The following ERBB4 variants were observed in gnomAD, a reference collection of about 807,000 sequenced individuals.
ERBB4 encodes the protein receptor tyrosine-protein kinase erbB-4.
Under a neutral mutation model 158.0 loss-of-function variants are expected in ERBB4, and 42 were observed. That is an observed-to-expected ratio of 0.27 (90% CI 0.21 to 0.34). The LOEUF (loss-of-function observed/expected upper bound fraction) is 0.34, where lower values mean the gene tolerates loss of function less well. Ranked by LOEUF, ERBB4 falls within the 10% of genes least tolerant of loss-of-function variation. The probability of loss-of-function intolerance (pLI) is 1.00; values close to 1 mark genes in which losing one functional copy is unlikely to be tolerated. For missense variants in ERBB4, 1,333 were observed against 1,624.1 expected, an observed-to-expected ratio of 0.82 and a Z score of 3.08; for synonymous variants, 583 against 558.7, an observed-to-expected ratio of 1.04 and a Z score of -0.61.
At chr2:212,022,695 A>ATGTTTTT (rs2076683109) in intron 2 of ERBB4, among the ~76,000 whole-genome samples, 2 of 152,152 alleles carry the variant, frequency 1.3e-5, no homozygotes, top group Admixed American at 6.5e-5. Flanking sequence ...AAAAAATAAA[A>ATGTTTTT]AACATAAAAA....
At chr2:212,357,771 C>T (rs765617174) in intron 1 of ERBB4, among the ~76,000 whole-genome samples, 3 of 151,786 alleles carry the variant, frequency 2.0e-5, no homozygotes, top group Admixed American at 6.6e-5. Context: ...TTCAGCCCCA[C>T]GGTCACTTGG....
At chr2:211,810,809 A>C (rs977571524) in intron 3 of ERBB4, among the ~76,000 whole-genome samples, 1 of 151,648 alleles carries the variant, frequency 6.6e-6, no homozygotes, top group Admixed American at 6.6e-5. Flanking sequence ...AGTAGCTGGG[A>C]CTACAGGCGC....
chr2:211,769,625 A>G (rs1238408404), intron 4 of ERBB4, among the ~76,000 whole-genome samples: 1 of 152,146 alleles, frequency 6.6e-6, no homozygotes, highest in Non-Finnish European at 1.5e-5. Flanking sequence ...AAAACCTCAA[A>G]AGTAGGGAAG....
At chr2:211,967,596 C>A (rs1263018471) in intron 2 of ERBB4, among the ~76,000 whole-genome samples, 1 of 151,960 alleles carries the variant, frequency 6.6e-6, no homozygotes, top group East Asian at 1.9e-4. Flanking sequence ...CAGTAAACAA[C>A]ACCCTGTGAA....
chr2:211,453,375 C>T (rs2064298276), intron 20 of ERBB4, among the ~76,000 whole-genome samples: 1 of 152,134 alleles, frequency 6.6e-6, no homozygotes. Flanking sequence ...GCATTATTTA[C>T]ACAAAAATTT....
intron 1 of ERBB4, among the ~76,000 whole-genome samples, chr2:212,388,971 T>A (rs1227052585): frequency 6.6e-6 from 1 of 152,160 alleles, no homozygotes; most frequent in Non-Finnish European, 1.5e-5. Context: ...AACTTATATA[T>A]GCTGCAATTT....
intron 1 of ERBB4, among the ~76,000 whole-genome samples, chr2:212,205,615 C>T (rs2105913245): frequency 6.6e-6 from 1 of 152,154 alleles, no homozygotes; most frequent in East Asian, 1.9e-4. Context: ...AAAATTGATG[C>T]CTACAAACTG....
intron 5 of ERBB4, among the ~76,000 whole-genome samples, chr2:211,742,795 T>C (rs1370988326): frequency 6.6e-6 from 1 of 152,016 alleles, no homozygotes; most frequent in African/African-American, 2.4e-5. Flanking sequence ...ATTTTGCCAG[T>C]GTAGTACTAC....
chr2:211,720,617 G>C (rs2074062206), intron 7 of ERBB4, among the ~76,000 whole-genome samples: 1 of 152,148 alleles, frequency 6.6e-6, no homozygotes, highest in Non-Finnish European at 1.5e-5. Context: ...CCATTATGTG[G>C]CTTATGTTCA....
intron 2 of ERBB4, among the ~76,000 whole-genome samples, chr2:212,003,481 G>A (rs377203132): frequency 6.6e-6 from 1 of 151,952 alleles, no homozygotes; most frequent in Non-Finnish European, 1.5e-5. Context: ...CTGGAGCCAG[G>A]GAACCTAACA....
intron 6 of ERBB4, among the ~76,000 whole-genome samples, chr2:211,723,829 C>G (rs1429157177): frequency 6.6e-6 from 1 of 152,150 alleles, no homozygotes; most frequent in Non-Finnish European, 1.5e-5. Flanking sequence ...GCATACAAAA[C>G]AATGTAACTT....
chr2:211,798,744 A>G (rs1008828876), intron 3 of ERBB4, among the ~76,000 whole-genome samples: 2 of 152,162 alleles, frequency 1.3e-5, no homozygotes, highest in African/African-American at 4.8e-5. Flanking sequence ...GGTGCCTAGC[A>G]TAACAATTTT....
chr2:211,384,832 A>C (rs1478678201), intron 27 of ERBB4, among the ~76,000 whole-genome samples: 1 of 152,152 alleles, frequency 6.6e-6, no homozygotes, highest in Non-Finnish European at 1.5e-5. Context: ...GAAACCAGTC[A>C]ATTAGTGCCT....
intron 2 of ERBB4, among the ~76,000 whole-genome samples, chr2:212,023,332 C>A (rs2076697951): frequency 6.6e-6 from 1 of 152,026 alleles, no homozygotes; most frequent in Non-Finnish European, 1.5e-5. Context: ...ATTCTGTGAT[C>A]TGTCATCTTC....
chr2:212,027,546 G>C (rs150692693), intron 2 of ERBB4, among the ~76,000 whole-genome samples: 1 of 152,064 alleles, frequency 6.6e-6, no homozygotes, highest in South Asian at 2.1e-4. Flanking sequence ...TGAGAATGTG[G>C]ATAGTTAAGG....
At chr2:212,448,163 G>A (rs2092391037) in intron 1 of ERBB4, among the ~76,000 whole-genome samples, 1 of 152,056 alleles carries the variant, frequency 6.6e-6, no homozygotes, top group Non-Finnish European at 1.5e-5. Flanking sequence ...CAGGGTACAG[G>A]CACTCTTTTA....
intron 13 of ERBB4, among the ~76,000 whole-genome samples, chr2:211,678,047 G>A (rs2072156833): frequency 6.6e-6 from 1 of 152,108 alleles, no homozygotes; most frequent in Non-Finnish European, 1.5e-5. Flanking sequence ...ATGAATATAT[G>A]AAATATTATG....
intron 1 of ERBB4, among the ~76,000 whole-genome samples, chr2:212,407,442 C>T (rs146437571): frequency 5.9e-5 from 9 of 152,002 alleles, no homozygotes; most frequent in African/African-American, 2.2e-4. Flanking sequence ...AGGCGGGGTA[C>T]GTTTAGTAAA....
At chr2:211,949,091 T>C (rs912203909) in intron 2 of ERBB4, among the ~76,000 whole-genome samples, 4 of 152,176 alleles carry the variant, frequency 2.6e-5, no homozygotes, top group Admixed American at 6.5e-5. Context: ...ATACTATTTG[T>C]TCTACGTTCA....
Sources: gnomAD v4.1 joint callset for allele counts (sites outside exome capture counted in the v4.1 genomes callset) on GRCh38, gnomAD v4.1.1 for gene constraint, MANE v1.5 for transcripts, NCBI Gene and HGNC (gene_info 2026-07-23, HGNC 2026-07-21) for gene names.